Variants in CHN1 observed in about 807,000 individuals in gnomAD.
CHN1 encodes N-chimaerin.
A neutral mutation model predicts 59.5 loss-of-function variants in CHN1; 37 were observed. That is an observed-to-expected ratio of 0.62 (90% CI 0.48 to 0.82). The LOEUF is 0.82. CHN1 is among the 40% of genes least tolerant of loss of function. CHN1 has a pLI of 0.00. For synonymous variants in CHN1, 206 were observed against 200.4 expected (o/e 1.03, Z -0.24); for missense variants, 469 against 571.0 (o/e 0.82, Z 1.82).
At chr2:174,946,900 TAAA>T (rs34155510) in intron 2 of CHN1, among the ~76,000 whole-genome samples, 28 of 100,184 alleles carry the variant, frequency 2.8e-4, no homozygotes, top group Admixed American at 5.7e-4. Flanking sequence ...CTAAAAAATG[TAAA>T]AAAAAAAAAA....
chr2:174,979,324 TGATAA>T (rs1183789656), intron 1 of CHN1, among the ~76,000 whole-genome samples: 1 of 152,228 alleles, frequency 6.6e-6, no homozygotes, highest in Non-Finnish European at 1.5e-5. Flanking sequence ...TTATTCCACT[TGATAA>T]AATACTCAGC....
intron 5 of CHN1, 43 bp from the exon 6 acceptor site, chr2:174,878,171 C>A (rs770332155): frequency 1.0e-5 from 15 of 1,439,138 alleles, no homozygotes; most frequent in African/African-American, 4.3e-5. Flanking sequence ...GAAAAGTAAG[C>A]AACTGAATTC....
In CHN1 at chr2:174,955,184, C is replaced by CTATATAGA. The variant is rs1553486791; in HGVS notation, c.20-2983_20-2982insTCTATATA. On this transcript the variant is annotated intron_variant, in intron 1 of 12. Transcript: ENST00000409900. The stretch of plus-strand genomic sequence containing the variant: ...TCTATATATCTCTATATATCTATAT[C>CTATATAGA]TATATATATATATATAATTGATATA... Among the ~76,000 whole-genome samples the CTATATAGA allele has an allele frequency of 3.6e-5, 3 of 82,736 alleles. No individual in the cohort carries two copies. In the Admixed American group the frequency reaches 4.3e-4, roughly 12 times the overall value. The allele number at this position is 82,736 out of a possible 152,430, so 54.3% of individuals were successfully genotyped here. A position where few individuals can be genotyped will look rare whatever the true frequency, so the allele number is the denominator to read the frequency against.
chr2:174,919,333 A>G (rs1034303198), intron 3 of CHN1, among the ~76,000 whole-genome samples: 3 of 152,162 alleles, frequency 2.0e-5, no homozygotes, highest in Non-Finnish European at 4.4e-5. Context: ...TATTAAGCTG[A>G]GGTACTTATT....
At chr2:174,823,173 C>T (rs950262725) in intron 8 of CHN1, among the ~76,000 whole-genome samples, 19 of 152,050 alleles carry the variant, frequency 1.2e-4, no homozygotes, top group Non-Finnish European at 2.5e-4. Context: ...ATGTTTATAG[C>T]GATAAATCTG....
At chr2:174,809,548 C>T (rs904476352) in intron 10 of CHN1, among the ~76,000 whole-genome samples, 3 of 152,140 alleles carry the variant, frequency 2.0e-5, no homozygotes, top group East Asian at 1.9e-4. Flanking sequence ...AGTAACATGC[C>T]GGGGCTTACT....
chr2:174,878,139 G>A lies in CHN1; in HGVS notation c.261-11C>T. On this transcript the variant is annotated splice_polypyrimidine_tract_variant and intron_variant, in intron 5 of 12. Coordinates refer to ENST00000409900, the MANE Select transcript of CHN1 (RefSeq NM_001822.7). ...GTTTGACTTCCAAATCTGCCTCAAT[G>A]AAATGGGAAAGATGTTTTTAAGAAA... 2 of 1,513,164 alleles carry A rather than the reference G, an allele frequency of 1.3e-6. No individual in the cohort carries two copies. The highest frequency in any genetic ancestry group is 8.9e-7 in the Non-Finnish European group (1 of 1,126,616). 93.7% of individuals were successfully genotyped at this position (1,513,164 alleles called of 1,614,324 possible).
At chr2:174,805,201 A>G (rs1248930266) in intron 11 of CHN1, among the ~76,000 whole-genome samples, 1 of 152,220 alleles carries the variant, frequency 6.6e-6, no homozygotes, top group East Asian at 1.9e-4. Flanking sequence ...TTGTACACAG[A>G]AGGGCTTCAT....
At chr2:175,000,681 T>C (rs1405121891) in intron 1 of CHN1, among the ~76,000 whole-genome samples, 1 of 152,170 alleles carries the variant, frequency 6.6e-6, no homozygotes, top group Non-Finnish European at 1.5e-5. Flanking sequence ...TGACCTCAAA[T>C]GATCCACCCA....
intron 1 of CHN1, among the ~76,000 whole-genome samples, chr2:174,978,172 C>T (rs896001612): frequency 3.9e-5 from 6 of 152,280 alleles, no homozygotes; most frequent in Admixed American, 3.9e-4. Flanking sequence ...GATCCAGGAT[C>T]CAATCAAGGT....
intron 1 of CHN1, among the ~76,000 whole-genome samples, chr2:174,989,959 CTATT>C (rs1691482028): frequency 6.6e-6 from 1 of 152,040 alleles, no homozygotes; most frequent in Admixed American, 6.6e-5. Context: ...TGGACTTTTT[CTATT>C]AAGATTTTGA....
At position 174,847,229 on chromosome 2, in the gene CHN1, C is replaced by G. The variant is rs566815121; in HGVS notation, c.550-272G>C. 3.5e-6 allele frequency: 5 copies of G among 1,440,910 alleles called. No individual in the cohort carries two copies. The South Asian group carries it at 8.1e-5, about 23-fold the overall frequency. 89.3% of individuals were successfully genotyped at this position (1,440,910 alleles called of 1,614,324 possible). A position where few individuals can be genotyped will look rare whatever the true frequency, so the allele number is the denominator to read the frequency against. ...AGCATTCTGCCAGGCAGCACAGAAC[C>G]CTAACCTACAGAGAGCTGCAGAGAA... On this transcript the variant is annotated intron_variant, in intron 6 of 12. Coordinates refer to ENST00000409900, the MANE Select transcript of CHN1 (RefSeq NM_001822.7).
intron 11 of CHN1, among the ~76,000 whole-genome samples, chr2:174,807,435 T>C (rs932445307): frequency 6.8e-6 from 1 of 147,822 alleles, no homozygotes; most frequent in Non-Finnish European, 1.5e-5. Context: ...AGGCAGCTTT[T>C]CACGGGCTAT....
At chr2:174,975,822 T>C (rs1271669563) in intron 1 of CHN1, among the ~76,000 whole-genome samples, 1 of 152,012 alleles carries the variant, frequency 6.6e-6, no homozygotes, top group Non-Finnish European at 1.5e-5. Context: ...GCTGCCCTTT[T>C]GGGATATATA....
chr2:174,911,477 T>C (rs936571626), intron 5 of CHN1, among the ~76,000 whole-genome samples: 4 of 152,210 alleles, frequency 2.6e-5, no homozygotes, highest in African/African-American at 9.6e-5. Context: ...GCTTCCCTTG[T>C]GTGACAAACT....
intron 8 of CHN1, among the ~76,000 whole-genome samples, chr2:174,816,686 A>C (rs1378614344): frequency 1.3e-5 from 2 of 152,106 alleles, no homozygotes; most frequent in Non-Finnish European, 2.9e-5. Context: ...TCTGCCTTCC[A>C]ACTTTTCAGA....
At chr2:174,958,729 C>A (rs553171540) in intron 1 of CHN1, among the ~76,000 whole-genome samples, 1 of 152,168 alleles carries the variant, frequency 6.6e-6, no homozygotes, top group Non-Finnish European at 1.5e-5. Context: ...GGAATAGTAA[C>A]AACATAGGTT....
intron 1 of CHN1, among the ~76,000 whole-genome samples, chr2:174,990,018 G>C (rs1691483594): frequency 6.6e-6 from 1 of 152,006 alleles, no homozygotes; most frequent in Admixed American, 6.6e-5. Flanking sequence ...TTTAAAAATT[G>C]TCATATGCCT....
chr2:174,830,476 A>G (rs1395721677), intron 7 of CHN1, among the ~76,000 whole-genome samples: 6 of 152,168 alleles, frequency 3.9e-5, no homozygotes, highest in African/African-American at 1.2e-4. Flanking sequence ...TAACCACCCT[A>G]TAACTCTGGA....
Sources: gnomAD v4.1 joint callset for allele counts (sites outside exome capture counted in the v4.1 genomes callset) on GRCh38, gnomAD v4.1.1 for gene constraint, MANE v1.5 for transcripts, NCBI Gene and HGNC (gene_info 2026-07-23, HGNC 2026-07-21) for gene names.